The following CDH13 variants were observed in gnomAD, a reference collection of about 807,000 sequenced individuals.
CDH13 encodes cadherin-13.
Under a neutral mutation model 63.8 loss-of-function variants are expected in CDH13, and 24 were observed. The observed-to-expected ratio is 0.38, with a 90% CI of 0.27 to 0.53. The LOEUF (loss-of-function observed/expected upper bound fraction) is 0.53. Ranked by LOEUF, CDH13 falls within the 20% of genes least tolerant of loss-of-function variation. The pLI is 0.85. For missense variants in CDH13, 1,049 were observed against 903.1 expected (o/e 1.16, Z -2.07); for synonymous variants, 503 against 355.3 (o/e 1.42, Z -4.67).
chr16:83,603,113 T>C (rs968215195), intron 8 of CDH13, among the ~76,000 whole-genome samples: 2 of 152,308 alleles, frequency 1.3e-5, no homozygotes, highest in Non-Finnish European at 2.9e-5. Flanking sequence ...TTATGGATCA[T>C]GGTTGTTGTT....
chr16:82,829,536 G>A (rs1038232250), intron 1 of CDH13: 1 of 152,056 alleles, frequency 6.6e-6, no homozygotes, highest in Admixed American at 6.6e-5. Context: ...GCAGTCGGAA[G>A]ACAGAGAAAA....
rs142329226 is a variant in CDH13 at position 83,023,614 on chromosome 16, C to T, written c.158-8396C>T. 4.5e-3 allele frequency among the ~76,000 whole-genome samples: 689 copies of T among 152,278 alleles called. 6 individuals carry two copies. The highest frequency in any genetic ancestry group is 0.016 in the African/African-American group (661 of 41,562). On this transcript the variant is annotated intron_variant, in intron 2 of 13. Transcript: ENST00000567109. ...ACCCAGGAAGTTGTCTCTATAGAAA[C>T]AAGCATTTTTTAAATGGACATAAAC... is the stretch of plus-strand genomic sequence containing the variant.
intron 5 of CDH13, among the ~76,000 whole-genome samples, chr16:83,230,702 G>A (rs576216719): frequency 3.9e-5 from 6 of 152,256 alleles, no homozygotes; most frequent in African/African-American, 1.4e-4. Context: ...CAGGAGAATC[G>A]TTTGAACCCA....
intron 7 of CDH13, among the ~76,000 whole-genome samples, chr16:83,520,535 A>G (rs9923206): frequency 0.097 from 14,814 of 152,220 alleles, 907 homozygotes; most frequent in African/African-American, 0.17. Flanking sequence ...TAATATGTTT[A>G]GGCAAAAATC....
intron 2 of CDH13, among the ~76,000 whole-genome samples, chr16:82,909,002 G>A (rs1009937122): frequency 6.6e-6 from 1 of 152,106 alleles, no homozygotes. Flanking sequence ...ATGGGTCAGG[G>A]TATATATGTG....
chr16:83,348,453 CA>C (rs1363799811), intron 6 of CDH13, among the ~76,000 whole-genome samples: 1 of 152,204 alleles, frequency 6.6e-6, no homozygotes, highest in Non-Finnish European at 1.5e-5. Flanking sequence ...CCTACATAAC[CA>C]AAGGCAGCTT....
chr16:83,422,836 G>T (rs1425436560), intron 6 of CDH13, among the ~76,000 whole-genome samples: 1 of 152,116 alleles, frequency 6.6e-6, no homozygotes, highest in South Asian at 2.1e-4. Context: ...TTAGAAAAGT[G>T]CCTGGGACAC....
chr16:83,288,795 C>G (rs995442744), intron 5 of CDH13, among the ~76,000 whole-genome samples: 9 of 152,226 alleles, frequency 5.9e-5, no homozygotes, highest in African/African-American at 2.2e-4. Flanking sequence ...AGTGCAATCA[C>G]TTGAAATGTA....
intron 2 of CDH13, among the ~76,000 whole-genome samples, chr16:82,938,482 G>A (rs145217035): frequency 1.7e-4 from 26 of 152,324 alleles, no homozygotes; most frequent in Admixed American, 1.3e-4. Flanking sequence ...AGTGTCTGAA[G>A]TGTAAAGAGT....
At chr16:82,772,550 G>A (rs763386363) in intron 1 of CDH13, among the ~76,000 whole-genome samples, 4 of 152,082 alleles carry the variant, frequency 2.6e-5, no homozygotes, top group Non-Finnish European at 5.9e-5. Context: ...GACATGCTAC[G>A]CAGAAAAAAA....
At chr16:83,213,536 G>C (rs1053061521) in intron 4 of CDH13, among the ~76,000 whole-genome samples, 18 of 152,118 alleles carry the variant, frequency 1.2e-4, no homozygotes, top group Non-Finnish European at 4.4e-5. Flanking sequence ...CTTCACCAGC[G>C]GGGCCTGTGT....
chr16:83,137,279 C>G (rs570710466), intron 4 of CDH13, among the ~76,000 whole-genome samples: 2 of 152,324 alleles, frequency 1.3e-5, no homozygotes, highest in Middle Eastern at 3.4e-3. Flanking sequence ...AGCTCCACCA[C>G]TCTTCTCCTT....
At chr16:82,884,533 G>C (rs945706508) in intron 2 of CDH13, 2 of 214,688 alleles carry the variant, frequency 9.3e-6, no homozygotes, top group African/African-American at 4.5e-5. Flanking sequence ...GGAAGCAAGA[G>C]AAGCCAGGGA....
At position 83,795,153 on chromosome 16, in the gene CDH13, C is replaced by A. The variant is rs1241951553; in HGVS notation, c.*123C>A. On this transcript the variant is annotated 3_prime_UTR_variant, in exon 14 of 14. Transcript: ENST00000567109. ...ACTTCACAACTAGGCCTCAATTGTT[C>A]CGGTTTTTTATTTTCTTTACAATTT... 6.7e-6 allele frequency: 5 copies of A among 743,444 alleles called. No homozygotes were observed. The African/African-American group carries it at 7.1e-5, about 11-fold the overall frequency. The allele number at this position is 743,444 out of a possible 1,614,324, so 46.1% of individuals were successfully genotyped here. A position where few individuals can be genotyped will look rare whatever the true frequency, so the allele number is the denominator to read the frequency against.
At chr16:82,808,878 T>C (rs1289620041) in intron 1 of CDH13, among the ~76,000 whole-genome samples, 1 of 152,214 alleles carries the variant, frequency 6.6e-6, no homozygotes, top group East Asian at 1.9e-4. Context: ...TTGTTTTTCA[T>C]GATTACAAGC....
In CDH13 at chr16:82,976,669, G is replaced by A. The variant is rs183882750; in HGVS notation, c.158-55341G>A. Among the ~76,000 whole-genome samples, 33 of 152,326 alleles carry A rather than the reference G, an allele frequency of 2.2e-4. No individual in the cohort carries two copies. The East Asian group carries it at 6.2e-3, about 29-fold the overall frequency. On this transcript the variant is annotated intron_variant, in intron 2 of 13. Coordinates refer to ENST00000567109, the MANE Select transcript of CDH13 (RefSeq NM_001257.5). Reference sequence around the variant, plus strand: ...TGTGCAAATGGTGGAGAATGTAGGTGAGATTGGCACTGAGGGGTTCAGACT... The same window carrying A: ...TGTGCAAATGGTGGAGAATGTAGGTAAGATTGGCACTGAGGGGTTCAGACT...
At chr16:83,474,703 A>G (rs1328172902) in intron 6 of CDH13, among the ~76,000 whole-genome samples, 1 of 152,232 alleles carries the variant, frequency 6.6e-6, no homozygotes, top group Non-Finnish European at 1.5e-5. Flanking sequence ...TGTCCAAAGC[A>G]AGGTCAAGAG....
intron 9 of CDH13, among the ~76,000 whole-genome samples, chr16:83,671,290 C>G (rs902680586): frequency 1.3e-5 from 2 of 152,140 alleles, no homozygotes; most frequent in African/African-American, 2.4e-5. Context: ...ACTCTGTCAC[C>G]TAGGCTGGGG....
At chr16:83,535,218 T>G (rs1325349137) in intron 7 of CDH13, among the ~76,000 whole-genome samples, 1 of 152,192 alleles carries the variant, frequency 6.6e-6, no homozygotes, top group African/African-American at 2.4e-5. Flanking sequence ...AGAGGCAGCC[T>G]GGTATGTGCA....
Sources: allele counts gnomAD v4.1 joint callset (sites outside exome capture counted in the v4.1 genomes callset), GRCh38; gene constraint gnomAD v4.1.1; transcripts MANE v1.5; gene names NCBI Gene and HGNC (gene_info 2026-07-23, HGNC 2026-07-21).